Variants in ANO7 observed in about 807,000 individuals in gnomAD.
ANO7 encodes the protein anoctamin-7.
Under a neutral mutation model 115.8 loss-of-function variants are expected in ANO7, and 114 were observed. The ratio of observed to expected loss-of-function variants is 0.98; its 90% confidence interval spans 0.85 to 1.15. The LOEUF is 1.15. Among genes scored for constraint, ANO7 ranks in the 50% most tolerant of loss-of-function variants. The pLI is 0.00. For synonymous variants in ANO7, 550 were observed against 498.2 expected (o/e 1.10, Z -1.38); for missense variants, 1,302 against 1,201.2 (o/e 1.08, Z -1.24).
chr2:241,211,434 T>C lies in ANO7; in HGVS notation c.1562-660T>C, dbSNP rs552899256. ...GCCCTGCTCTAGCCCTGGGGGTGAA[T>C]AGTCTTGAACAAAAGCTGGCAGCCC... is the stretch of plus-strand genomic sequence containing the variant. On this transcript the variant is annotated intron_variant, in intron 15 of 24. Transcript: ENST00000674324. 3.9e-5 allele frequency among the ~76,000 whole-genome samples: 6 copies of C among 152,284 alleles called. No individual in the cohort carries two copies. In the East Asian group the frequency reaches 1.2e-3, roughly 29 times the overall value.
downstream of ANO7, chr2:241,229,457 C>T (rs960276660): frequency 1.0e-4 from 64 of 637,778 alleles, no homozygotes; most frequent in African/African-American, 1.5e-4. Context: ...CACAGCCAGG[C>T]GCTAGGCTCC....
intron 22 of ANO7, 67 bp from the exon 23 acceptor site, chr2:241,223,595 C>A: frequency 6.3e-7 from 1 of 1,579,666 alleles, no homozygotes; most frequent in Non-Finnish European, 8.6e-7. Context: ...GGAGCCCCGG[C>A]CTGCCTGGCC....
At chr2:241,197,980 G>A (rs2149136157) in intron 4 of ANO7, among the ~76,000 whole-genome samples, 1 of 152,294 alleles carries the variant, frequency 6.6e-6, no homozygotes, top group South Asian at 2.1e-4. Context: ...TAAGGCTTAG[G>A]AGCTTGTTGT....
At chr2:241,236,800 CA>C in the ANO7 span, 5 of 1,609,664 alleles carry the variant, frequency 3.1e-6, no homozygotes, top group South Asian at 4.4e-5. Flanking sequence ...GGACAGCTGA[CA>C]GCTGCTGGAA....
chr2:241,234,547 G>C, the ANO7 span, among the ~76,000 whole-genome samples: 20 of 152,308 alleles, frequency 1.3e-4, no homozygotes, highest in Admixed American at 1.3e-3. Flanking sequence ...TAGCAAACCA[G>C]CACCCCAGCA....
downstream of ANO7, chr2:241,229,601 T>C: frequency 6.2e-7 from 1 of 1,612,068 alleles, no homozygotes; most frequent in Non-Finnish European, 8.5e-7. Flanking sequence ...TTTTTGATCA[T>C]TATCGTTTGG....
At chr2:241,236,906 G>GAGGTC in the ANO7 span, 13 of 798,844 alleles carry the variant, frequency 1.6e-5, no homozygotes, top group Admixed American at 2.1e-4. Flanking sequence ...TGTCCTTCAG[G>GAGGTC]AGGTCTTGGT....
chr2:241,226,365 T>C (rs2069170097), downstream of ANO7, among the ~76,000 whole-genome samples: 1 of 152,110 alleles, frequency 6.6e-6, no homozygotes, highest in South Asian at 2.1e-4. Flanking sequence ...AGTTGTGTGC[T>C]TTGCTGTGGG....
At position 241,203,828 on chromosome 2, in the gene ANO7, G is replaced by A. The variant is rs1247599811; in HGVS notation, c.889+330G>A. On this transcript the variant is annotated intron_variant, in intron 9 of 24. Transcript: ENST00000674324. This position sits in a 1 kb window ranked among gnomAD's most constrained non-coding sequence, Gnocchi z 4.8. ...GCAACCCCAGGAACTTCCATCCTAG[G>A]GAGGTCGCCCCTGCCTGGGTCCAGG... 6.6e-6 allele frequency among the ~76,000 whole-genome samples: 1 copy of A among 152,002 alleles called. No homozygotes were observed. Among genetic ancestry groups the A allele is most frequent in the Non-Finnish European group, 1.5e-5 (1 of 67,966 alleles).
At chr2:241,222,904 A>C (rs562561736) in intron 21 of ANO7, among the ~76,000 whole-genome samples, 9 of 152,324 alleles carry the variant, frequency 5.9e-5, no homozygotes, top group Non-Finnish European at 1.0e-4. Flanking sequence ...CATCTACTAG[A>C]AAATAAAGCA....
At chr2:241,239,243 G>A in the ANO7 span, among the ~76,000 whole-genome samples, 1 of 152,192 alleles carries the variant, frequency 6.6e-6, no homozygotes, top group African/African-American at 2.4e-5. The surrounding 1 kb of genome is among the most constrained non-coding windows in gnomAD (Gnocchi z 4.6). Context: ...TTCCTTCACA[G>A]AGGGGAGAAG....
In ANO7 at chr2:241,217,833, ACATCGG is replaced by A. The variant is rs1168669597; in HGVS notation, c.2125_2130del (p.Gly709_Ile710del). The A allele has an allele frequency of 6.2e-7, 1 of 1,608,620 alleles. No individual in the cohort carries two copies. Among genetic ancestry groups the A allele is most frequent in the South Asian group, 1.1e-5 (1 of 90,668 alleles). On this transcript the variant is annotated inframe_deletion, in exon 20 of 25. Coordinates refer to ENST00000674324, the MANE Select transcript of ANO7 (RefSeq NM_001370694.2). ...CGCCCGGTGGCCGAGCGCGCCCAGG[ACATCGG>A]CATCTGGTTCCACATCCTGGCGGGC... is the stretch of plus-strand genomic sequence containing the variant.
intron 6 of ANO7, 68 bp downstream of exon 6, chr2:241,200,293 G>C (rs1559443100): frequency 6.4e-7 from 1 of 1,555,798 alleles, no homozygotes. Flanking sequence ...ATGAGTGAGC[G>C]GAACTTGGTG....
rs766130793 is a variant in ANO7, at chr2:241,209,535, T to A, written c.1259T>A (p.Met420Lys). 2.5e-6 allele frequency: 4 copies of A among 1,596,428 alleles called. No individual in the cohort carries two copies. In the South Asian group the frequency reaches 3.4e-5, roughly 13 times the overall value. The change falls in exon 13 of 25, where the codon ATG becomes AAG. Residue 420 changes from methionine (M) to lysine (K), a missense_variant. Coordinates refer to ENST00000674324, the MANE Select transcript of ANO7 (RefSeq NM_001370694.2). ...CCCCAGTTTGCCGCCTCAGCCCCCA[T>A]GACAGCCCCGAACCCCATCACGGGT... Reference protein sequence around the residue: ...PRPQFAASAPMTAPNPITGED... With the variant: ...PRPQFAASAPKTAPNPITGED...
intron 17 of ANO7, among the ~76,000 whole-genome samples, chr2:241,214,455 C>A (rs1298054759): frequency 6.6e-6 from 1 of 152,224 alleles, no homozygotes; most frequent in African/African-American, 2.4e-5. Flanking sequence ...CTGGCTCGAA[C>A]TGGGTCACCG....
chr2:241,196,941 C>T (rs2068350770), intron 4 of ANO7, among the ~76,000 whole-genome samples: 1 of 151,858 alleles, frequency 6.6e-6, no homozygotes, highest in Non-Finnish European at 1.5e-5. Context: ...GAGGCATGTG[C>T]ATATGGCCAA....
chr2:241,203,260 G>T lies in ANO7; in HGVS notation c.724-73G>T, dbSNP rs113020742. 7.9e-7 allele frequency: 1 copy of T among 1,263,960 alleles called. No homozygotes were observed. Among genetic ancestry groups the T allele is most frequent in the Non-Finnish European group, 1.1e-6 (1 of 947,562 alleles). 78.3% of individuals were successfully genotyped at this position (1,263,960 alleles called of 1,614,324 possible). ...CTGTCTGCCCATGTCCCACACTGAA[G>T]CCCCTGCACCTACAACAGTGCCCAG... On this transcript the variant is annotated intron_variant, in intron 8 of 24. Coordinates refer to ENST00000674324, the MANE Select transcript of ANO7 (RefSeq NM_001370694.2). This position sits in a 1 kb window ranked among gnomAD's most constrained non-coding sequence, Gnocchi z 4.8.
At position 241,223,271 on chromosome 2, in the gene ANO7, T is replaced by C. The variant is rs2069070825; in HGVS notation, c.2407T>C (p.Phe803Leu). ...CATCCGCCTGGCCTTCGTCATTGTG[T>C]TTGAGGTAGCCGAGGCACCTGCTGG... ...LAIRLAFVIV[F>L]EHVVFSVGRL... Residue 803 changes from phenylalanine (F) to leucine (L), a missense_variant, in exon 22 of 25, where the codon TTT becomes CTT. Transcript: ENST00000674324. 6.2e-7 allele frequency: 1 copy of C among 1,614,236 alleles called. No individual in the cohort carries two copies. Among genetic ancestry groups the C allele is most frequent in the Non-Finnish European group, 8.5e-7 (1 of 1,180,044 alleles).
intron 21 of ANO7, among the ~76,000 whole-genome samples, chr2:241,219,156 C>A (rs75312350): frequency 2.0e-5 from 3 of 152,306 alleles, no homozygotes; most frequent in East Asian, 3.9e-4. Context: ...GTACTTCACC[C>A]GCAGTTGTGG....
Sources: allele counts gnomAD v4.1 joint callset (sites outside exome capture counted in the v4.1 genomes callset), GRCh38; gene constraint gnomAD v4.1.1; non-coding constraint Gnocchi (gnomAD v3.1); transcripts MANE v1.5; gene names NCBI Gene and HGNC (gene_info 2026-07-23, HGNC 2026-07-21).